Variants in DPP10 observed in about 807,000 individuals in gnomAD.
DPP10 encodes the protein dipeptidyl peptidase like 10, also known as inactive dipeptidyl peptidase 10.
DPP10 carries 33 observed loss-of-function variants against 120.9 expected under a neutral mutation model. That is an observed-to-expected ratio of 0.27 (90% CI 0.21 to 0.37). The LOEUF is 0.37. Among genes scored for constraint, DPP10 ranks in the 10% least tolerant of loss-of-function variants. The probability of loss-of-function intolerance (pLI) is 1.00; values close to 1 mark genes in which losing one functional copy is unlikely to be tolerated. For synonymous variants in DPP10, 337 were observed against 326.1 expected (o/e 1.03, Z -0.36); for missense variants, 816 against 942.8 (o/e 0.87, Z 1.76).
intron 1 of DPP10, among the ~76,000 whole-genome samples, chr2:114,931,262 G>T (rs541435676): frequency 6.6e-6 from 1 of 152,098 alleles, no homozygotes; most frequent in Admixed American, 6.5e-5. Flanking sequence ...AAGGAAAGGG[G>T]TTTTGTATGG....
intron 5 of DPP10, among the ~76,000 whole-genome samples, chr2:115,551,363 T>C (rs951334556): frequency 6.6e-6 from 1 of 152,102 alleles, no homozygotes; most frequent in Non-Finnish European, 1.5e-5. Context: ...TAGCAAGAAC[T>C]TCCCAAGACT....
At chr2:114,780,480 A>G (rs1682221215) in intron 1 of DPP10, among the ~76,000 whole-genome samples, 1 of 152,104 alleles carries the variant, frequency 6.6e-6, no homozygotes, top group African/African-American at 2.4e-5. Context: ...GGGTACTGGA[A>G]GGAATTTAGG....
chr2:114,750,212 G>A (rs1364504864), intron 1 of DPP10, among the ~76,000 whole-genome samples: 1 of 151,688 alleles, frequency 6.6e-6, no homozygotes, highest in Non-Finnish European at 1.5e-5. Context: ...GTGGAGGACA[G>A]GAAACAACTC....
intron 25 of DPP10, 139 bp from the exon 26 acceptor site, chr2:115,842,072 T>A (rs926688084): frequency 1.2e-5 from 9 of 732,234 alleles, no homozygotes; most frequent in Middle Eastern, 5.1e-4. Context: ...TTAGCATGAA[T>A]AACTTAGAGT....
intron 1 of DPP10, among the ~76,000 whole-genome samples, chr2:115,151,492 C>G (rs1226322845): frequency 1.3e-5 from 2 of 150,632 alleles, no homozygotes; most frequent in African/African-American, 4.9e-5. Context: ...ACTGCAACCT[C>G]TGCCGCCTGG....
intron 5 of DPP10, 66 bp from the exon 6 acceptor site, chr2:115,689,621 A>AAT: frequency 2.8e-6 from 3 of 1,055,490 alleles, no homozygotes; most frequent in East Asian, 2.6e-5. Context: ...TGTTACTAAG[A>AAT]ATATATATAC....
intron 1 of DPP10, among the ~76,000 whole-genome samples, chr2:115,086,624 T>G (rs925924181): frequency 1.3e-5 from 2 of 152,028 alleles, no homozygotes; most frequent in African/African-American, 2.4e-5. Context: ...GCCTGGCTAA[T>G]TTTTTGTATT....
At chr2:115,617,272 T>TTA (rs1553462561) in intron 5 of DPP10, among the ~76,000 whole-genome samples, 13 of 135,876 alleles carry the variant, frequency 9.6e-5, no homozygotes, top group African/African-American at 3.3e-4. Context: ...TATATATTTT[T>TTA]TATATATATA....
At chr2:115,614,511 C>T (rs944231353) in intron 5 of DPP10, among the ~76,000 whole-genome samples, 27 of 152,234 alleles carry the variant, frequency 1.8e-4, no homozygotes, top group African/African-American at 6.0e-4. Flanking sequence ...CTGCAACTTC[C>T]GCCTCCTGGG....
intron 3 of DPP10, among the ~76,000 whole-genome samples, chr2:115,388,147 G>T (rs1027077088): frequency 1.3e-5 from 2 of 152,166 alleles, no homozygotes; most frequent in Non-Finnish European, 2.9e-5. Flanking sequence ...TGTAAACCCC[G>T]TGAGGTGGGA....
intron 19 of DPP10, among the ~76,000 whole-genome samples, chr2:115,797,450 C>CA (rs1281253741): frequency 1.3e-5 from 2 of 151,934 alleles, no homozygotes; most frequent in African/African-American, 4.8e-5. Context: ...CAGTTTCTTG[C>CA]AAAAATAGTA....
intron 1 of DPP10, among the ~76,000 whole-genome samples, chr2:115,226,714 C>T (rs776806659): frequency 6.6e-6 from 1 of 152,084 alleles, no homozygotes; most frequent in African/African-American, 2.4e-5. Context: ...ATAGTTACAT[C>T]AATTTGGTAT....
chr2:114,822,806 G>A (rs1686211133), intron 1 of DPP10, among the ~76,000 whole-genome samples: 2 of 151,746 alleles, frequency 1.3e-5, no homozygotes, highest in South Asian at 4.1e-4. Flanking sequence ...CGGGCAAAAT[G>A]CCACCAGTCT....
At chr2:115,603,287 A>T (rs2083460651) in intron 5 of DPP10, among the ~76,000 whole-genome samples, 1 of 151,744 alleles carries the variant, frequency 6.6e-6, no homozygotes, top group Admixed American at 6.6e-5. Context: ...GGTGACAAGG[A>T]TCTGTGAATT....
chr2:114,709,394 G>T (rs1004959405), intron 1 of DPP10, among the ~76,000 whole-genome samples: 2 of 152,012 alleles, frequency 1.3e-5, no homozygotes, highest in African/African-American at 4.8e-5. Context: ...CTCATTTTTG[G>T]CTTGTCAACT....
chr2:115,165,924 A>G (rs543606289), intron 1 of DPP10, among the ~76,000 whole-genome samples: 1 of 152,298 alleles, frequency 6.6e-6, no homozygotes, highest in South Asian at 2.1e-4. Flanking sequence ...CATTTTCTTT[A>G]AAAAAATGCA....
intron 25 of DPP10, among the ~76,000 whole-genome samples, chr2:115,841,628 G>A (rs531440563): frequency 6.6e-6 from 1 of 152,230 alleles, no homozygotes; most frequent in Non-Finnish European, 1.5e-5. Flanking sequence ...TTTATTCAAA[G>A]GGCAATGAGG....
At chr2:115,543,517 A>G (rs1471018702) in intron 5 of DPP10, among the ~76,000 whole-genome samples, 1 of 152,032 alleles carries the variant, frequency 6.6e-6, no homozygotes, top group Non-Finnish European at 1.5e-5. Flanking sequence ...CATTTTTGCT[A>G]AATACTAGAT....
chr2:115,116,082 C>G lies in DPP10; in HGVS notation c.61-193157C>G, dbSNP rs996543919. On this transcript the variant is annotated intron_variant, in intron 1 of 25. Coordinates refer to ENST00000410059, the MANE Select transcript of DPP10 (RefSeq NM_020868.6). ...CATATTGTCCCACATATACTTTAAC[C>G]TTTTGATTTCCTCTAAAATATTTGA... Among the ~76,000 whole-genome samples the G allele has an allele frequency of 2.6e-5, 4 of 152,134 alleles. No individual in the cohort carries two copies. In the South Asian group the frequency reaches 6.2e-4, roughly 24 times the overall value.
Sources: gnomAD v4.1 joint callset for allele counts (sites outside exome capture counted in the v4.1 genomes callset) on GRCh38, gnomAD v4.1.1 for gene constraint, MANE v1.5 for transcripts, NCBI Gene and HGNC (gene_info 2026-07-23, HGNC 2026-07-21) for gene names.